The following ZNF790 variants were observed in gnomAD, a reference collection of about 807,000 sequenced individuals.
The protein encoded by ZNF790 is zinc finger protein 790.
ZNF790 carries 8 observed loss-of-function variants against 12.1 expected under a neutral mutation model. That is an observed-to-expected ratio of 0.66 (90% CI 0.39 to 1.19). The LOEUF is 1.19. Ranked by LOEUF, ZNF790 falls within the 50% of genes most tolerant of loss-of-function variation. The probability of loss-of-function intolerance (pLI) is 0.01; values close to 1 mark genes in which losing one functional copy is unlikely to be tolerated. For missense variants in ZNF790, 707 were observed against 752.2 expected (o/e 0.94, Z 0.70); for synonymous variants, 252 against 244.3 (o/e 1.03, Z -0.29).
chr19:36,818,748 T>C lies in ZNF790; in HGVS notation c.1596A>G (p.Glu532=). 1 of 1,612,032 alleles carries C rather than the reference T, an allele frequency of 6.2e-7. No homozygotes were observed. The highest frequency in any genetic ancestry group is 8.5e-7 in the Non-Finnish European group (1 of 1,179,364). ...TCCCACATTCTTTACATACGTAAGG[T>C]TCCTCACCAGTATGCATTCTCTGAT... ...TRHQRMHTGE[E]PYVCKECGKS... is the part of the protein sequence containing the mutation. The change falls in exon 5 of 5, where the codon GAA becomes GAG. Residue 532 remains glutamate, a synonymous_variant. Transcript: ENST00000356725.
chr19:36,842,848 A>G (rs1355577623), upstream of ZNF790, among the ~76,000 whole-genome samples: 1 of 151,936 alleles, frequency 6.6e-6, no homozygotes. Flanking sequence ...TACTAAAAAT[A>G]CAAAAAATTA....
At chr19:36,824,837 G>A (rs1022931410) in intron 2 of ZNF790, among the ~76,000 whole-genome samples, 1 of 152,160 alleles carries the variant, frequency 6.6e-6, no homozygotes, top group African/African-American at 2.4e-5. Flanking sequence ...TTTGGCCCAG[G>A]TAACTGTCCT....
upstream of ZNF790, among the ~76,000 whole-genome samples, chr19:36,839,987 C>T (rs1296946965): frequency 1.3e-5 from 2 of 152,058 alleles, no homozygotes; most frequent in Non-Finnish European, 2.9e-5. Context: ...CGCTTGAACC[C>T]AGGAGGCAGA....
chr19:36,849,276 C>T (rs1371411836), intron 1 of ZNF790, among the ~76,000 whole-genome samples: 3 of 152,136 alleles, frequency 2.0e-5, no homozygotes, highest in Non-Finnish European at 4.4e-5. Context: ...ATCAGCATTT[C>T]CTGTTGTCAT....
intron 1 of ZNF790, among the ~76,000 whole-genome samples, chr19:36,830,907 A>G (rs1366916952): frequency 2.0e-5 from 3 of 152,226 alleles, no homozygotes; most frequent in East Asian, 1.9e-4. Flanking sequence ...TGGGAGGCCA[A>G]AGCGGGCGGA....
intron 1 of ZNF790, among the ~76,000 whole-genome samples, chr19:36,833,844 A>T (rs1477431987): frequency 6.6e-6 from 1 of 152,206 alleles, no homozygotes; most frequent in Non-Finnish European, 1.5e-5. Flanking sequence ...ATATCTTCAT[A>T]CCTTGGGGAT....
chr19:36,846,108 C>T (rs1290990531), intron 1 of ZNF790, among the ~76,000 whole-genome samples: 1 of 152,014 alleles, frequency 6.6e-6, no homozygotes, highest in African/African-American at 2.4e-5. Context: ...CACACCTGGC[C>T]CCAATCTTAT....
At chr19:36,833,406 G>A (rs1193264595) in intron 1 of ZNF790, among the ~76,000 whole-genome samples, 2 of 152,174 alleles carry the variant, frequency 1.3e-5, no homozygotes, top group Non-Finnish European at 2.9e-5. Context: ...GCCTCCCAAA[G>A]TGCTGGGAAT....
intron 1 of ZNF790, among the ~76,000 whole-genome samples, chr19:36,846,738 A>G (rs1303982425): frequency 6.6e-6 from 1 of 152,210 alleles, no homozygotes; most frequent in Non-Finnish European, 1.5e-5. Context: ...TAGATTCTCT[A>G]TTAGTCTATT....
intron 1 of ZNF790, among the ~76,000 whole-genome samples, chr19:36,826,252 T>C (rs2071794541): frequency 6.6e-6 from 1 of 152,056 alleles, no homozygotes; most frequent in Non-Finnish European, 1.5e-5. Flanking sequence ...AAGGCTGGAT[T>C]GGGCGAGTAG....
chr19:36,843,727 G>A (rs2072150305), intron 1 of ZNF790, among the ~76,000 whole-genome samples: 1 of 152,174 alleles, frequency 6.6e-6, no homozygotes. Context: ...CAAACAGGTC[G>A]GCCAGGCACA....
At chr19:36,842,567 T>C (rs2072138736), upstream of ZNF790, among the ~76,000 whole-genome samples, 1 of 151,564 alleles carries the variant, frequency 6.6e-6, no homozygotes, top group Non-Finnish European at 1.5e-5. Flanking sequence ...GTTAATAATA[T>C]AGTCAGAATG....
intron 1 of ZNF790, among the ~76,000 whole-genome samples, chr19:36,833,814 AAT>A (rs1301237318): frequency 6.6e-6 from 1 of 152,218 alleles, no homozygotes; most frequent in East Asian, 1.9e-4. Context: ...GTGACAGATA[AAT>A]ATAGATGAAA....
chr19:36,847,826 G>A (rs891640415), intron 1 of ZNF790, among the ~76,000 whole-genome samples: 1 of 151,914 alleles, frequency 6.6e-6, no homozygotes, highest in African/African-American at 2.4e-5. Flanking sequence ...TGGAATTAGT[G>A]CTTTCAAAAA....
chr19:36,827,141 C>CATATATATATATATATATAT (rs369671729), intron 1 of ZNF790, among the ~76,000 whole-genome samples: 12 of 84,436 alleles, frequency 1.4e-4, no homozygotes, highest in East Asian at 9.7e-4. Context: ...CACACACACA[C>CATATATATATATATATATAT]ATATATATAT....
intron 1 of ZNF790, among the ~76,000 whole-genome samples, chr19:36,827,141 C>CACACATATATATATATATATAT (rs1313807327): frequency 5.9e-5 from 5 of 84,442 alleles, no homozygotes; most frequent in Non-Finnish European, 1.1e-4. Context: ...CACACACACA[C>CACACATATATATATATATATAT]ATATATATAT....
intron 1 of ZNF790, among the ~76,000 whole-genome samples, chr19:36,832,732 C>T (rs967444854): frequency 2.0e-5 from 3 of 152,000 alleles, no homozygotes; most frequent in Admixed American, 2.0e-4. Flanking sequence ...ATATTTATTT[C>T]TGTTTTAGGG....
Position 36,837,028 on chromosome 19 carries a change from T to G in ZNF790, c.-74+1309A>C, listed in dbSNP as rs1255733072. Among the ~76,000 whole-genome samples, 7 of 152,080 alleles carry G rather than the reference T, an allele frequency of 4.6e-5. No homozygotes were observed. The East Asian group carries it at 1.3e-3, about 29-fold the overall frequency. ...TTTGTTTCTCACACTCAAGAAATCATCTTTCACTATCCCACGCTATCTCTC... is the reference window on the plus strand; with the variant it reads ...TTTGTTTCTCACACTCAAGAAATCAGCTTTCACTATCCCACGCTATCTCTC... On this transcript the variant is annotated intron_variant, in intron 1 of 4. Transcript: ENST00000356725.
chr19:36,818,455 G>C lies in ZNF790; in HGVS notation c.1889C>G (p.Ser630Cys). 6.4e-7 allele frequency: 1 copy of C among 1,559,364 alleles called. No individual in the cohort carries two copies. The highest frequency in any genetic ancestry group is 1.2e-5 in the South Asian group (1 of 84,184). The change falls in exon 5 of 5, where the codon TCT (serine) becomes TGT (cysteine). Residue 630 changes from serine to cysteine, a missense_variant. Ser to Cys is a moderately radical substitution (Grantham distance 112). Coordinates refer to ENST00000356725, the MANE Select transcript of ZNF790 (RefSeq NM_206894.4). ...ATTTCACAAGAGTGAAATGAAGTGA[G>C]AGCTTGAAGAAAATGCTTTCTCAAA... Reference protein sequence around the residue: ...KDFEKAFSSSSHFISLL With the variant: ...KDFEKAFSSSCHFISLL
Sources: gnomAD v4.1 joint callset for allele counts (sites outside exome capture counted in the v4.1 genomes callset) on GRCh38, gnomAD v4.1.1 for gene constraint, MANE v1.5 for transcripts, NCBI Gene and HGNC (gene_info 2026-07-23, HGNC 2026-07-21) for gene names.